The following RBM39 variants were observed in gnomAD, a reference collection of about 807,000 sequenced individuals.
RBM39 encodes the protein RNA-binding protein 39.
A neutral mutation model predicts 79.6 loss-of-function variants in RBM39; 12 were observed. That is an observed-to-expected ratio of 0.15 (90% CI 0.10 to 0.24). The LOEUF is 0.24. RBM39 is among the 10% of genes least tolerant of loss of function. RBM39 has a pLI of 1.00. For synonymous variants in RBM39, 185 were observed against 208.4 expected (o/e 0.89, Z 0.97); for missense variants, 243 against 653.4 (o/e 0.37, Z 6.85).
At chr20:35,718,347 T>C (rs927739127) in intron 9 of RBM39, among the ~76,000 whole-genome samples, 5 of 150,452 alleles carry the variant, frequency 3.3e-5, no homozygotes, top group African/African-American at 7.3e-5. Flanking sequence ...GGGACTATGA[T>C]AGGGATAAGA....
intron 4 of RBM39, among the ~76,000 whole-genome samples, chr20:35,730,598 T>C (rs2039259388): frequency 6.6e-6 from 1 of 152,142 alleles, no homozygotes; most frequent in Non-Finnish European, 1.5e-5. Context: ...AGTTACAGCC[T>C]CAAACCCAAC....
At position 35,742,063 on chromosome 20, in the gene RBM39, A is replaced by G. The variant is rs1341049618; in HGVS notation, c.-136T>C. 5 of 190,188 alleles carry G rather than the reference A, an allele frequency of 2.6e-5. No individual in the cohort carries two copies. The highest frequency in any genetic ancestry group is 5.6e-5 in the Non-Finnish European group (5 of 89,602). The allele number at this position is 190,188 out of a possible 1,614,324, so 11.8% of individuals were successfully genotyped here. A position where few individuals can be genotyped will look rare whatever the true frequency, so the allele number is the denominator to read the frequency against. ...TTAAGCCCCTAGGCCCAGGCCGCGG[A>G]ACCGCCCAGCCCGAATATCGGGTTC... is the stretch of plus-strand genomic sequence containing the variant. On this transcript the variant is annotated 5_prime_UTR_variant, in exon 1 of 17. Transcript: ENST00000253363.
chr20:35,728,306 C>A (rs531346208), intron 6 of RBM39, among the ~76,000 whole-genome samples: 2 of 152,154 alleles, frequency 1.3e-5, no homozygotes, highest in Non-Finnish European at 2.9e-5. Flanking sequence ...ATAACTGCTA[C>A]GTTGCCAACA....
intron 12 of RBM39, 114 bp downstream of exon 12, chr20:35,712,905 C>G (rs1270765245): frequency 1.3e-6 from 1 of 748,476 alleles, no homozygotes; most frequent in Non-Finnish European, 2.1e-6. Flanking sequence ...AACTAACAGG[C>G]TATAAGTACT....
intron 12 of RBM39, among the ~76,000 whole-genome samples, chr20:35,709,971 T>C (rs1026273413): frequency 6.6e-6 from 1 of 152,180 alleles, no homozygotes; most frequent in African/African-American, 2.4e-5. Flanking sequence ...ATCTAATCAG[T>C]ATTAAAAATA....
chr20:35,735,104 G>T, intron 3 of RBM39: 1 of 1,515,708 alleles, frequency 6.6e-7, no homozygotes, highest in Non-Finnish European at 8.8e-7. Context: ...AAAAAAAATA[G>T]AAAAGTCATT....
At chr20:35,729,856 A>C (rs1569054929) in intron 4 of RBM39, among the ~76,000 whole-genome samples, 1 of 144,074 alleles carries the variant, frequency 6.9e-6, no homozygotes, top group African/African-American at 2.5e-5. Context: ...AAAAAAAAAA[A>C]CACACACACA....
chr20:35,707,215 G>A lies in RBM39; in HGVS notation c.1226-14C>T, dbSNP rs747037665. 22 of 1,586,760 alleles carry A rather than the reference G, an allele frequency of 1.4e-5. No individual in the cohort carries two copies. Among genetic ancestry groups the A allele is most frequent in the Non-Finnish European group, 1.7e-5 (20 of 1,160,698 alleles). On this transcript the variant is annotated splice_polypyrimidine_tract_variant and intron_variant, in intron 13 of 16. Coordinates refer to ENST00000253363, the MANE Select transcript of RBM39 (RefSeq NM_184234.3). ...CTAAAGCTGAAGCTAAAAAAAGAAA[G>A]AGAAAAATTAGTTTCATGGAAAATG...
At chr20:35,722,894 A>G (rs974608372) in intron 8 of RBM39, among the ~76,000 whole-genome samples, 27 of 151,210 alleles carry the variant, frequency 1.8e-4, no homozygotes, top group African/African-American at 6.6e-4. Context: ...AGATCGCCCC[A>G]CTGCACTACA....
intron 9 of RBM39, among the ~76,000 whole-genome samples, chr20:35,718,931 C>T (rs931201765): frequency 5.3e-5 from 8 of 151,006 alleles, no homozygotes; most frequent in East Asian, 1.9e-4. Context: ...AGTGAGCTAT[C>T]GCACTCCAGC....
At chr20:35,736,500 T>G in intron 3 of RBM39, 2 of 438,396 alleles carry the variant, frequency 4.6e-6, no homozygotes, top group South Asian at 3.4e-5. Flanking sequence ...TTTATGAAAT[T>G]TTATCAACCT....
chr20:35,727,650 ATTT>A (rs149113488), intron 6 of RBM39, among the ~76,000 whole-genome samples: 6 of 130,056 alleles, frequency 4.6e-5, no homozygotes, highest in African/African-American at 8.5e-5. Context: ...TAATTTTTGT[ATTT>A]TTTTTTTTTT....
intron 2 of RBM39, 52 bp from the exon 3 acceptor site, chr20:35,739,069 A>G: frequency 7.1e-7 from 1 of 1,415,586 alleles, no homozygotes; most frequent in Non-Finnish European, 1.0e-6. Context: ...TAACATTTCA[A>G]GTTGTCAAAG....
chr20:35,731,771 T>G, intron 4 of RBM39, 170 bp downstream of exon 4: 1 of 699,022 alleles, frequency 1.4e-6, no homozygotes, highest in South Asian at 1.9e-5. Context: ...TATTTGTCTA[T>G]GCACTGTATT....
At chr20:35,721,599 G>A in intron 9 of RBM39, 141 bp downstream of exon 9, 2 of 902,234 alleles carry the variant, frequency 2.2e-6, no homozygotes, top group South Asian at 1.9e-5. Flanking sequence ...AATCTATGTT[G>A]TCACAGAAAT....
In RBM39 at chr20:35,735,279, G is replaced by A. The variant is rs567718903; in HGVS notation, c.102-3144C>T. On this transcript the variant is annotated intron_variant, in intron 3 of 16. Coordinates refer to ENST00000253363, the MANE Select transcript of RBM39 (RefSeq NM_184234.3). ...CTTTAACAAATAATATTCCCATGAG[G>A]GCAAGCTCAAGCACTTAGGATGCAT... 4.6e-5 allele frequency among the ~76,000 whole-genome samples: 7 copies of A among 152,154 alleles called. No homozygotes were observed. In the East Asian group the frequency reaches 9.6e-4, roughly 21 times the overall value.
intron 6 of RBM39, 52 bp from the exon 7 acceptor site, chr20:35,725,207 T>C: frequency 4.1e-6 from 5 of 1,216,814 alleles, no homozygotes; most frequent in Non-Finnish European, 4.6e-6. Flanking sequence ...TTTAAAATAA[T>C]TTTTATCTTT....
At chr20:35,731,211 A>G (rs1175706531) in intron 4 of RBM39, 1 of 152,206 alleles carries the variant, frequency 6.6e-6, no homozygotes, top group African/African-American at 2.4e-5. Flanking sequence ...GTTTATTAAG[A>G]GGAATTAACC....
intron 12 of RBM39, chr20:35,710,652 A>G (rs1031500388): frequency 1.3e-4 from 20 of 152,210 alleles, no homozygotes; most frequent in Non-Finnish European, 2.8e-4. Flanking sequence ...AATAGCTTTA[A>G]AAGACTTAGG....
Sources: gnomAD v4.1 joint callset for allele counts (sites outside exome capture counted in the v4.1 genomes callset) on GRCh38, gnomAD v4.1.1 for gene constraint, MANE v1.5 for transcripts, NCBI Gene and HGNC (gene_info 2026-07-23, HGNC 2026-07-21) for gene names.